Variants in CNTNAP2 observed in about 807,000 individuals in gnomAD.
The protein encoded by CNTNAP2 is contactin associated protein 2.
Under a neutral mutation model 155.2 loss-of-function variants are expected in CNTNAP2, and 98 were observed. That is an observed-to-expected ratio of 0.63 (90% confidence interval 0.54 to 0.75). The LOEUF is 0.75. CNTNAP2 is among the 30% of genes least tolerant of loss of function. The probability of loss-of-function intolerance (pLI) is 0.00; values close to 1 mark genes in which losing one functional copy is unlikely to be tolerated. For synonymous variants in CNTNAP2, 651 were observed against 631.2 expected (o/e 1.03, Z -0.47); for missense variants, 1,727 against 1,688.1 (o/e 1.02, Z -0.40).
intron 21 of CNTNAP2, among the ~76,000 whole-genome samples, chr7:148,283,611 C>T (rs1311510523): frequency 6.6e-6 from 1 of 152,048 alleles, no homozygotes; most frequent in African/African-American, 2.4e-5. Context: ...GCTCTTATAC[C>T]ATAAACAAGT....
intron 8 of CNTNAP2, among the ~76,000 whole-genome samples, chr7:147,285,262 C>T (rs1437297372): frequency 6.6e-6 from 1 of 151,178 alleles, no homozygotes; most frequent in Non-Finnish European, 1.5e-5. Flanking sequence ...AATTTCTGAG[C>T]CCCTGAGTGA....
intron 13 of CNTNAP2, among the ~76,000 whole-genome samples, chr7:147,736,322 T>C (rs1796843247): frequency 6.6e-6 from 1 of 152,208 alleles, no homozygotes; most frequent in South Asian, 2.1e-4. Flanking sequence ...TTGAAAATTC[T>C]TTTCTTTAAG....
chr7:146,622,682 C>T (rs537996559), intron 1 of CNTNAP2, among the ~76,000 whole-genome samples: 19 of 152,170 alleles, frequency 1.2e-4, no homozygotes, highest in Middle Eastern at 3.4e-3. Context: ...CCAGGCTGGG[C>T]GCAGTGGCTC....
chr7:147,429,295 A>G (rs1332630483), intron 10 of CNTNAP2, among the ~76,000 whole-genome samples: 2 of 152,094 alleles, frequency 1.3e-5, no homozygotes, highest in African/African-American at 4.8e-5. Context: ...GTAAGGTGGT[A>G]TATTATTGTG....
At chr7:146,228,844 T>C (rs1799337120) in intron 1 of CNTNAP2, among the ~76,000 whole-genome samples, 1 of 152,184 alleles carries the variant, frequency 6.6e-6, no homozygotes, top group Non-Finnish European at 1.5e-5. Context: ...ATTTCTTTCA[T>C]TGTACTTGAG....
chr7:146,369,029 G>GTA (rs71525943), intron 1 of CNTNAP2, among the ~76,000 whole-genome samples: 6,165 of 137,232 alleles, frequency 0.045, 164 homozygotes, highest in Non-Finnish European at 0.061. Flanking sequence ...AAAGCATTAT[G>GTA]TATATATATA....
chr7:148,095,381 A>G (rs1803942788), intron 15 of CNTNAP2, among the ~76,000 whole-genome samples: 1 of 152,222 alleles, frequency 6.6e-6, no homozygotes. Context: ...TGCACCAATA[A>G]CAAGAACTAA....
chr7:146,308,985 TAAAG>T (rs994679300), intron 1 of CNTNAP2, among the ~76,000 whole-genome samples: 46 of 152,042 alleles, frequency 3.0e-4, no homozygotes, highest in African/African-American at 9.4e-4. Context: ...ATAATAATAA[TAAAG>T]AAAGAAAGAA....
chr7:146,281,335 G>T (rs1309354089), intron 1 of CNTNAP2, among the ~76,000 whole-genome samples: 1 of 152,080 alleles, frequency 6.6e-6, no homozygotes, highest in African/African-American at 2.4e-5. Context: ...TTTTATGGTA[G>T]AATTTTAAGC....
chr7:146,932,405 C>T (rs7798191), intron 3 of CNTNAP2, among the ~76,000 whole-genome samples: 1 of 142,116 alleles, frequency 7.0e-6, no homozygotes, highest in Admixed American at 7.0e-5. Flanking sequence ...GCTAAAAACT[C>T]TCAATAAATT....
At chr7:147,873,170 ACTGGACTCCTTACC>A (rs1401471810) in intron 13 of CNTNAP2, among the ~76,000 whole-genome samples, 2 of 152,216 alleles carry the variant, frequency 1.3e-5, no homozygotes, top group Non-Finnish European at 2.9e-5. Flanking sequence ...AGTAACACTA[ACTGGACTCCTTACC>A]ACTAAGGAGC....
chr7:146,875,529 C>G (rs557786279), intron 3 of CNTNAP2, among the ~76,000 whole-genome samples: 4 of 152,196 alleles, frequency 2.6e-5, no homozygotes, highest in African/African-American at 9.6e-5. Flanking sequence ...TCTCAAAAGA[C>G]CTGGAAGCCA....
At chr7:147,810,653 C>T (rs1798164673) in intron 13 of CNTNAP2, among the ~76,000 whole-genome samples, 1 of 152,118 alleles carries the variant, frequency 6.6e-6, no homozygotes, top group Non-Finnish European at 1.5e-5. Flanking sequence ...GCAGTCTTTT[C>T]ACATTAGAAT....
chr7:146,534,362 A>T (rs1797814848), intron 1 of CNTNAP2, among the ~76,000 whole-genome samples: 1 of 152,156 alleles, frequency 6.6e-6, no homozygotes, highest in South Asian at 2.1e-4. Context: ...GGCTTTAGGA[A>T]CACCTGTCAT....
chr7:148,052,058 G>A (rs577144468), intron 15 of CNTNAP2, among the ~76,000 whole-genome samples: 1 of 149,222 alleles, frequency 6.7e-6, no homozygotes, highest in East Asian at 2.0e-4. Flanking sequence ...AGAATGGGGT[G>A]AACCCAGGAG....
chr7:147,688,772 C>T lies in CNTNAP2; in HGVS notation c.2098+49466C>T, dbSNP rs149940230. Among the ~76,000 whole-genome samples, 561 of 152,242 alleles carry T rather than the reference C, an allele frequency of 3.7e-3. 3 individuals are homozygous for T. Among genetic ancestry groups the T allele is most frequent in the African/African-American group, 0.013 (528 of 41,544 alleles). ...AAGAGGGCAAATTAAACTGGAGGTC[C>T]ACCTTACAAGAATTTTGTGAACAGC... On this transcript the variant is annotated intron_variant, in intron 13 of 23. Transcript: ENST00000361727.
At chr7:147,288,719 T>G (rs1805237143) in intron 8 of CNTNAP2, among the ~76,000 whole-genome samples, 1 of 152,218 alleles carries the variant, frequency 6.6e-6, no homozygotes, top group Admixed American at 6.5e-5. Context: ...TCTGTTATAC[T>G]TTTTTGGGTT....
intron 2 of CNTNAP2, among the ~76,000 whole-genome samples, chr7:146,777,731 A>C (rs142030069): frequency 1.3e-4 from 20 of 152,006 alleles, no homozygotes; most frequent in African/African-American, 4.8e-4. Context: ...TGCCTGGCTG[A>C]TTTTTGCATT....
At chr7:147,317,778 G>A (rs10254102) in intron 9 of CNTNAP2, among the ~76,000 whole-genome samples, 41,002 of 121,618 alleles carry the variant, frequency 0.34, 5,809 homozygotes, top group African/African-American at 0.43. Context: ...ATATATATAT[G>A]TGTGTGTGTG....
Sources: gnomAD v4.1 joint callset for allele counts (sites outside exome capture counted in the v4.1 genomes callset) on GRCh38, gnomAD v4.1.1 for gene constraint, MANE v1.5 for transcripts, NCBI Gene and HGNC (gene_info 2026-07-23, HGNC 2026-07-21) for gene names.